The following PTPRF variants were observed in gnomAD, a reference collection of about 807,000 sequenced individuals.
PTPRF encodes the protein receptor-type tyrosine-protein phosphatase F.
Under a neutral mutation model 201.8 loss-of-function variants are expected in PTPRF, and 59 were observed. The observed-to-expected ratio is 0.29, with a 90% CI of 0.24 to 0.36. PTPRF has a LOEUF of 0.36. Among genes scored for constraint, PTPRF ranks in the 10% least tolerant of loss-of-function variants. The pLI is 1.00. For synonymous variants in PTPRF, 1,088 were observed against 1,089.7 expected (o/e 1.00, Z 0.03); for missense variants, 2,132 against 2,690.5 (o/e 0.79, Z 4.59).
At position 43,553,373 on chromosome 1, in the gene PTPRF, G is replaced by A; in HGVS notation, c.92-119G>A. On this transcript the variant is annotated intron_variant, in intron 3 of 33. Transcript: ENST00000359947. This position sits in a 1 kb window ranked among gnomAD's most constrained non-coding sequence, Gnocchi z 4.1. The stretch of plus-strand genomic sequence containing the variant: ...GGCACATACTAAGCGCTACATAAAG[G>A]TGAGGTGTCCTTGTTTTCTTTGTAG... 1 of 1,148,544 alleles carries A rather than the reference G, an allele frequency of 8.7e-7. No individual in the cohort carries two copies. 71.1% of individuals were successfully genotyped at this position (1,148,544 alleles called of 1,614,324 possible).
intron 28 of PTPRF, 37 bp downstream of exon 28, chr1:43,619,610 A>G (rs892383426): frequency 2.7e-5 from 43 of 1,610,894 alleles, no homozygotes; most frequent in Admixed American, 3.3e-5. Flanking sequence ...TCCAGGGCCT[A>G]GACTGGGTCA....
At position 43,592,055 on chromosome 1, in the gene PTPRF, C is replaced by T. The variant is rs1262751141; in HGVS notation, c.1668+107C>T. 14 of 1,491,908 alleles carry T rather than the reference C, an allele frequency of 9.4e-6. No individual in the cohort carries two copies. In the East Asian group the frequency reaches 2.5e-4, roughly 27 times the overall value. 92.4% of individuals were successfully genotyped at this position (1,491,908 alleles called of 1,614,324 possible). ...CTGGATTCTGTGGCTTATGTGGGCACAGCCTCTAAGGTTTCTGCTGGAGGC... is the reference window on the plus strand; with the variant it reads ...CTGGATTCTGTGGCTTATGTGGGCATAGCCTCTAAGGTTTCTGCTGGAGGC... On this transcript the variant is annotated intron_variant, in intron 10 of 33. Transcript: ENST00000359947.
intron 7 of PTPRF, among the ~76,000 whole-genome samples, chr1:43,586,224 CAG>C (rs1649106797): frequency 6.6e-6 from 1 of 152,210 alleles, no homozygotes; most frequent in Admixed American, 6.5e-5. Context: ...GAGGAGGAGA[CAG>C]GGCACCCACT....
Position 43,604,030 on chromosome 1 carries a change from A to AG in PTPRF, c.2879dup (p.Ser960ArgfsTer80). 1 of 1,614,234 alleles carries AG rather than the reference A, an allele frequency of 6.2e-7. No individual in the cohort carries two copies. The highest frequency in any genetic ancestry group is 8.5e-7 in the Non-Finnish European group (1 of 1,180,054). On this transcript the variant is annotated frameshift_variant, in exon 16 of 34. Coordinates refer to ENST00000359947, the MANE Select transcript of PTPRF (RefSeq NM_002840.5). LOFTEE classifies it high-confidence loss of function. The stretch of plus-strand genomic sequence containing the variant: ...CACCGTGGTGTTCCGAGACATCAAC[A>AG]GCCAACAGGAGCTGCAGAACATCAC...
In PTPRF at chr1:43,553,495, A is replaced by G; in HGVS notation, c.95A>G (p.Lys32Arg). 1 of 1,613,844 alleles carries G rather than the reference A, an allele frequency of 6.2e-7. No individual in the cohort carries two copies. The highest frequency in any genetic ancestry group is 2.2e-5 in the East Asian group (1 of 44,864). The change falls in exon 4 of 34, where the codon AAA becomes AGA. Residue 32 changes from lysine (K) to arginine (R), a missense_variant. This residue lies in a region of PTPRF where 297 missense variants were observed against 454.0 expected (regional missense o/e 0.65). Coordinates refer to ENST00000359947, the MANE Select transcript of PTPRF (RefSeq NM_002840.5). The surrounding 1 kb of genome is among the most constrained non-coding windows in gnomAD (Gnocchi z 4.1). Reference sequence around the variant, plus strand: ...TTGGTGTCTCCATCTCTTCCAGGCAAACCTGTCTTCATTAAAGTCCCTGAG... The same window carrying G: ...TTGGTGTCTCCATCTCTTCCAGGCAGACCTGTCTTCATTAAAGTCCCTGAG... ...GLVAGAHGDSKPVFIKVPEDQ... is the reference protein window; with the variant it reads ...GLVAGAHGDSRPVFIKVPEDQ...
intron 5 of PTPRF, among the ~76,000 whole-genome samples, chr1:43,555,442 CTTTTTT>C (rs986469997): frequency 8.7e-6 from 1 of 115,560 alleles, no homozygotes; most frequent in Middle Eastern, 4.9e-3. Context: ...TATCATTATT[CTTTTTT>C]TTTTTTTTTT....
At position 43,619,528 on chromosome 1, in the gene PTPRF, A is replaced by T. The variant is rs1256630824; in HGVS notation, c.4887A>T (p.Gln1629His). 1 of 1,614,018 alleles carries T rather than the reference A, an allele frequency of 6.2e-7. No individual in the cohort carries two copies. Among genetic ancestry groups the T allele is most frequent in the South Asian group, 1.1e-5 (1 of 91,088 alleles). ...NLYAHIQKLG[Q>H]VPPGESVTAM... ...ATGCCCACATCCAGAAGCTGGGCCAAGTGCCTCCAGGGGAGAGTGTGACCG... is the reference window on the plus strand; with the variant it reads ...ATGCCCACATCCAGAAGCTGGGCCATGTGCCTCCAGGGGAGAGTGTGACCG... Residue 1629 changes from glutamine (Q) to histidine (H), a missense_variant, in exon 28 of 34, where the codon CAA becomes CAT. Gln to His is a conservative substitution (Grantham distance 24). Transcript: ENST00000359947.
At chr1:43,606,138 A>G in intron 19 of PTPRF, 102 bp from the exon 20 acceptor site, 2 of 1,305,824 alleles carry the variant, frequency 1.5e-6, no homozygotes, top group Non-Finnish European at 2.1e-6. Flanking sequence ...ACGGAAGGTG[A>G]GCCTTGATCT....
chr1:43,622,309 G>A lies in PTPRF; in HGVS notation c.*306G>A, dbSNP rs1659391848. 2 of 412,294 alleles carry A rather than the reference G, an allele frequency of 4.9e-6. No homozygotes were observed. The highest frequency in any genetic ancestry group is 7.1e-5 in the South Asian group (2 of 28,222). 25.5% of individuals were successfully genotyped at this position (412,294 alleles called of 1,614,324 possible). A position where few individuals can be genotyped will look rare whatever the true frequency, so the allele number is the denominator to read the frequency against. Reference sequence around the variant, plus strand: ...TCTCATGCTTCTTCTCATGGGGTGGGGTTGGGGCAAAGCCTCCTTTTTAAT... The same window carrying A: ...TCTCATGCTTCTTCTCATGGGGTGGAGTTGGGGCAAAGCCTCCTTTTTAAT... On this transcript the variant is annotated 3_prime_UTR_variant, in exon 34 of 34. Coordinates refer to ENST00000359947, the MANE Select transcript of PTPRF (RefSeq NM_002840.5).
At position 43,622,127 on chromosome 1, in the gene PTPRF, C is replaced by T. The variant is rs954871692; in HGVS notation, c.*124C>T. 4 of 1,007,462 alleles carry T rather than the reference C, an allele frequency of 4.0e-6. No individual in the cohort carries two copies. The African/African-American group carries it at 4.7e-5, about 12-fold the overall frequency. 62.4% of individuals were successfully genotyped at this position (1,007,462 alleles called of 1,614,324 possible). On this transcript the variant is annotated 3_prime_UTR_variant, in exon 34 of 34. Transcript: ENST00000359947. ...ATGCTGTCACTGGCAGAGCACAGCC[C>T]ACGGGGATCACAGCGTTTCAGGAAC... is the stretch of plus-strand genomic sequence containing the variant.
intron 23 of PTPRF, among the ~76,000 whole-genome samples, chr1:43,615,987 CAGAT>C (rs1657765713): frequency 6.6e-6 from 1 of 152,058 alleles, no homozygotes; most frequent in Non-Finnish European, 1.5e-5. Flanking sequence ...CATGTGCAGA[CAGAT>C]AATCAGCATT....
intron 3 of PTPRF, among the ~76,000 whole-genome samples, chr1:43,550,658 A>G (rs577389214): frequency 6.6e-6 from 1 of 152,356 alleles, no homozygotes; most frequent in South Asian, 2.1e-4. Flanking sequence ...ATCAAACACC[A>G]AAAATGTGGA....
At chr1:43,605,676 G>A in intron 19 of PTPRF, 54 bp downstream of exon 19, 1 of 1,532,190 alleles carries the variant, frequency 6.5e-7, no homozygotes, top group South Asian at 1.1e-5. Flanking sequence ...GGTCAGCTGT[G>A]GCCTTCCTGC....
chr1:43,580,132 C>A (rs572387308), intron 7 of PTPRF: 1 of 151,940 alleles, frequency 6.6e-6, no homozygotes, highest in Non-Finnish European at 1.5e-5. Context: ...TGGCTCCTTG[C>A]AGTGATGATT....
chr1:43,535,074 G>A (rs1341822576), intron 1 of PTPRF, among the ~76,000 whole-genome samples: 2 of 152,078 alleles, frequency 1.3e-5, no homozygotes, highest in African/African-American at 4.8e-5. Flanking sequence ...CTCCCATCAG[G>A]GGTCACATGA....
Position 43,588,896 on chromosome 1 carries a change from G to A in PTPRF, c.845G>A (p.Arg282His), listed in dbSNP as rs764349921. 3.1e-6 allele frequency: 5 copies of A among 1,613,626 alleles called. No individual in the cohort carries two copies. Among genetic ancestry groups the A allele is most frequent in the East Asian group, 2.2e-5 (1 of 44,864 alleles). ...LTKEDEMPVG[R>H]NVLELSNVVR... is the part of the protein sequence containing the mutation. ...AAGGAGGATGAGATGCCAGTTGGCCGCAACGTCCTGGAGCTCAGCAATGTC... is the reference window on the plus strand; with the variant it reads ...AAGGAGGATGAGATGCCAGTTGGCCACAACGTCCTGGAGCTCAGCAATGTC... The change falls in exon 8 of 34, where the codon CGC (arginine) becomes CAC (histidine). Residue 282 changes from arginine to histidine, a missense_variant. Transcript: ENST00000359947. This position sits in a 1 kb window ranked among gnomAD's most constrained non-coding sequence, Gnocchi z 5.3.
chr1:43,613,450 A>C (rs1570665837), intron 22 of PTPRF, 168 bp from the exon 23 acceptor site: 1 of 649,366 alleles, frequency 1.5e-6, no homozygotes, highest in East Asian at 2.8e-5. Flanking sequence ...GTCCTCTCCC[A>C]CCCTCCGCCA....
At chr1:43,611,717 G>C (rs953782556) in intron 22 of PTPRF, among the ~76,000 whole-genome samples, 5 of 152,226 alleles carry the variant, frequency 3.3e-5, no homozygotes, top group African/African-American at 1.2e-4. Context: ...CAAGTGAAAG[G>C]TGGCAGTGGG....
intron 23 of PTPRF, among the ~76,000 whole-genome samples, chr1:43,615,102 G>A (rs2154031502): frequency 1.3e-5 from 2 of 152,258 alleles, no homozygotes; most frequent in South Asian, 4.1e-4. Flanking sequence ...TGTGTTTGGG[G>A]GATGCATCCT....
Sources: gnomAD v4.1 joint callset for allele counts (sites outside exome capture counted in the v4.1 genomes callset) on GRCh38, gnomAD v4.1.1 for gene constraint, gnomAD v4.1.1 regional missense constraint, Gnocchi (gnomAD v3.1) non-coding constraint, MANE v1.5 for transcripts, NCBI Gene and HGNC (gene_info 2026-07-23, HGNC 2026-07-21) for gene names.